Variants in CARM1 observed in about 807,000 individuals in gnomAD.
CARM1 encodes the protein coactivator associated arginine methyltransferase 1.
In CARM1, 14 loss-of-function variants were observed where a neutral mutation model predicts 72.7. That is an observed-to-expected ratio of 0.19 (90% CI 0.13 to 0.30). The LOEUF (loss-of-function observed/expected upper bound fraction) is 0.30. Among genes scored for constraint, CARM1 ranks in the 10% least tolerant of loss-of-function variants. CARM1 has a pLI of 1.00. For missense variants in CARM1, 432 were observed against 833.7 expected (o/e 0.52, Z 5.93); for synonymous variants, 333 against 345.5 (o/e 0.96, Z 0.40).
At chr19:10,898,557 G>A (rs1214766400) in intron 1 of CARM1, among the ~76,000 whole-genome samples, 1 of 152,220 alleles carries the variant, frequency 6.6e-6, no homozygotes, top group Non-Finnish European at 1.5e-5. Flanking sequence ...GCCCCCTTCC[G>A]CGGCTCCCAT....
At position 10,892,889 on chromosome 19, in the gene CARM1, T is replaced by A. The variant is rs1202513627; in HGVS notation, c.221-12062T>A. On this transcript the variant is annotated intron_variant, in intron 1 of 15. Coordinates refer to ENST00000327064, the MANE Select transcript of CARM1 (RefSeq NM_199141.2). ...CTGGGATTACAGGTGCCCGCCACCA[T>A]GTCTGGCTAATTTTTTGTATTTTTC... is the stretch of plus-strand genomic sequence containing the variant. Among the ~76,000 whole-genome samples the A allele has an allele frequency of 4.0e-5, 6 of 151,732 alleles. No individual in the cohort carries two copies. The East Asian group carries it at 1.2e-3, about 29-fold the overall frequency.
intron 4 of CARM1, among the ~76,000 whole-genome samples, chr19:10,909,919 T>A (rs1244879699): frequency 6.6e-6 from 1 of 152,108 alleles, no homozygotes; most frequent in African/African-American, 2.4e-5. Flanking sequence ...GACATCAGCG[T>A]ATATTTTACA....
At chr19:10,880,698 G>T (rs1245876241) in intron 1 of CARM1, among the ~76,000 whole-genome samples, 2 of 152,138 alleles carry the variant, frequency 1.3e-5, no homozygotes, top group Non-Finnish European at 2.9e-5. Flanking sequence ...GGCCCCTGGG[G>T]GCGGTCCCAT....
chr19:10,917,576 C>T (rs1180731296), intron 8 of CARM1, among the ~76,000 whole-genome samples: 3 of 152,160 alleles, frequency 2.0e-5, no homozygotes, highest in Non-Finnish European at 4.4e-5. Context: ...TGGATACTAT[C>T]TCTTTAAACA....
In CARM1 at chr19:10,921,954, G is replaced by T. The variant is rs755361805; in HGVS notation, c.*197G>T. 2 of 540,320 alleles carry T rather than the reference G, an allele frequency of 3.7e-6. No homozygotes were observed. Among genetic ancestry groups the T allele is most frequent in the Non-Finnish European group, 6.5e-6 (2 of 308,766 alleles). The allele number at this position is 540,320 out of a possible 1,614,324, so 33.5% of individuals were successfully genotyped here. On this transcript the variant is annotated 3_prime_UTR_variant, in exon 16 of 16. Coordinates refer to ENST00000327064, the MANE Select transcript of CARM1 (RefSeq NM_199141.2). ...TAACCCCCACCTCCCGGCCCTGAGC[G>T]TGTGTCGCTGCCATATTTTACACAA... is the stretch of plus-strand genomic sequence containing the variant.
intron 1 of CARM1, among the ~76,000 whole-genome samples, chr19:10,886,205 C>T (rs899590906): frequency 6.6e-6 from 1 of 151,916 alleles, no homozygotes; most frequent in Non-Finnish European, 1.5e-5. Flanking sequence ...TACGGGCATG[C>T]GCCACCACGC....
chr19:10,894,907 AT>A (rs569415533), intron 1 of CARM1, among the ~76,000 whole-genome samples: 1 of 151,550 alleles, frequency 6.6e-6, no homozygotes, highest in African/African-American at 2.4e-5. Context: ...TGCCCAGCTA[AT>A]TTTTTTATTA....
Position 10,903,581 on chromosome 19 carries a change from A to AT in CARM1, c.221-1369dup, listed in dbSNP as rs148894692. On this transcript the variant is annotated intron_variant, in intron 1 of 15. Coordinates refer to ENST00000327064, the MANE Select transcript of CARM1 (RefSeq NM_199141.2). ...CTAGTTGTCTTTTTTTTTTTTTTTA[A>AT]TAGGATCTCACGTCTGTTGCCTAGA... is the stretch of plus-strand genomic sequence containing the variant. Among the ~76,000 whole-genome samples the AT allele has an allele frequency of 4.8e-3, 716 of 148,792 alleles. 3 individuals are homozygous for AT. Among genetic ancestry groups the AT allele is most frequent in the African/African-American group, 0.015 (604 of 40,446 alleles).
Position 10,920,334 on chromosome 19 carries a change from G to A in CARM1, c.1197-102G>A, listed in dbSNP as rs2074231883. 4.3e-6 allele frequency: 6 copies of A among 1,389,624 alleles called. No individual in the cohort carries two copies. The South Asian group carries it at 8.3e-5, about 19-fold the overall frequency. The allele number at this position is 1,389,624 out of a possible 1,614,324, so 86.1% of individuals were successfully genotyped here. A position where few individuals can be genotyped will look rare whatever the true frequency, so the allele number is the denominator to read the frequency against. The stretch of plus-strand genomic sequence containing the variant: ...CTGCTCCAGGGTCCCAGGGGTCCCT[G>A]GCAGAGGGGGCAGGTGCTTGGGGAG... On this transcript the variant is annotated intron_variant, in intron 10 of 15. Coordinates refer to ENST00000327064, the MANE Select transcript of CARM1 (RefSeq NM_199141.2). The surrounding 1 kb of genome is among the most constrained non-coding windows in gnomAD (Gnocchi z 5.3).
intron 1 of CARM1, among the ~76,000 whole-genome samples, chr19:10,873,792 G>A (rs555161951): frequency 1.3e-4 from 20 of 151,270 alleles, no homozygotes; most frequent in South Asian, 6.3e-4. Flanking sequence ...GGCGCCTGCC[G>A]CCATGCCCGG....
rs1044858812 is a variant in CARM1, at chr19:10,890,725, A to G, written c.221-14226A>G. 3.4e-5 allele frequency among the ~76,000 whole-genome samples: 5 copies of G among 148,166 alleles called. No homozygotes were observed. The South Asian group carries it at 6.3e-4, about 19-fold the overall frequency. On this transcript the variant is annotated intron_variant, in intron 1 of 15. Transcript: ENST00000327064. ...CACACACATATATACACATGAATAT[A>G]TAGACACATATATACACATGCATAT...
intron 1 of CARM1, among the ~76,000 whole-genome samples, chr19:10,901,685 TA>T (rs1320942356): frequency 6.6e-6 from 1 of 150,684 alleles, no homozygotes; most frequent in Non-Finnish European, 1.5e-5. Flanking sequence ...CTCATGCCTG[TA>T]ATCCCAGCAC....
chr19:10,898,522 G>T (rs1012113153), intron 1 of CARM1, among the ~76,000 whole-genome samples: 2 of 152,234 alleles, frequency 1.3e-5, no homozygotes, highest in African/African-American at 4.8e-5. Context: ...CCAACACAGA[G>T]GGCCTTTCTG....
Position 10,921,152 on chromosome 19 carries a change from C to G in CARM1, c.1615+25C>G, listed in dbSNP as rs548549778. 30 of 1,605,854 alleles carry G rather than the reference C, an allele frequency of 1.9e-5. 1 individual carries two copies. Among genetic ancestry groups the G allele is most frequent in the South Asian group, 1.5e-4 (14 of 90,636 alleles). On this transcript the variant is annotated intron_variant, in intron 14 of 15. Transcript: ENST00000327064. ...GGTGAGTGTCCCCCAGGGCCAGGGG[C>G]AGCAGGGAGCCATGCCCAGGACTGC...
At chr19:10,890,929 G>A (rs1051598727) in intron 1 of CARM1, among the ~76,000 whole-genome samples, 2 of 150,824 alleles carry the variant, frequency 1.3e-5, no homozygotes, top group African/African-American at 4.9e-5. Flanking sequence ...ATGACTGGGC[G>A]GGCCATTGCA....
intron 1 of CARM1, among the ~76,000 whole-genome samples, chr19:10,879,554 G>C (rs1273111377): frequency 6.6e-6 from 1 of 152,144 alleles, no homozygotes; most frequent in Non-Finnish European, 1.5e-5. Context: ...TGGAGCACAG[G>C]GTCCCCTGTG....
intron 8 of CARM1, among the ~76,000 whole-genome samples, chr19:10,918,797 G>A (rs1160663592): frequency 6.6e-6 from 1 of 152,196 alleles, no homozygotes; most frequent in Admixed American, 6.5e-5. Context: ...AAAGGTAGAG[G>A]CCAGAAAGGG....
At position 10,911,298 on chromosome 19, in the gene CARM1, G is replaced by GC. The variant is rs1420658752; in HGVS notation, c.559-880dup. Among the ~76,000 whole-genome samples, 11 of 152,198 alleles carry GC rather than the reference G, an allele frequency of 7.2e-5. No homozygotes were observed. In the South Asian group the frequency reaches 1.5e-3, roughly 20 times the overall value. ...CTGCCTCATCCAGCGCCTGGGTCAC[G>GC]CCCCCCTAGCATCGCTTACCGTCCC... On this transcript the variant is annotated intron_variant, in intron 4 of 15. Coordinates refer to ENST00000327064, the MANE Select transcript of CARM1 (RefSeq NM_199141.2).
chr19:10,872,368 C>CT (rs959697004), intron 1 of CARM1, among the ~76,000 whole-genome samples: 3 of 152,064 alleles, frequency 2.0e-5, no homozygotes, highest in African/African-American at 7.2e-5. Flanking sequence ...CGGGATCCCT[C>CT]TGGGGACCCC....
Sources: allele counts gnomAD v4.1 joint callset (sites outside exome capture counted in the v4.1 genomes callset), GRCh38; gene constraint gnomAD v4.1.1; non-coding constraint Gnocchi (gnomAD v3.1); transcripts MANE v1.5; gene names NCBI Gene and HGNC (gene_info 2026-07-23, HGNC 2026-07-21).